Variants in LRRIQ1 observed in about 807,000 individuals in gnomAD.
The protein encoded by LRRIQ1 is leucine-rich repeat- and IQ domain-containing protein 1.
A neutral mutation model predicts 211.9 loss-of-function variants in LRRIQ1; 210 were observed. The observed-to-expected ratio is 0.99, with a 90% CI of 0.89 to 1.11. The LOEUF is 1.11. Ranked by LOEUF, LRRIQ1 falls within the 50% of genes most tolerant of loss-of-function variation. The pLI is 0.00. For synonymous variants in LRRIQ1, 699 were observed against 650.1 expected, an observed-to-expected ratio of 1.08 and a Z score of -1.14; for missense variants, 2,136 against 1,939.5, an observed-to-expected ratio of 1.10 and a Z score of -1.90.
intron 18 of LRRIQ1, 139 bp downstream of exon 18, chr12:85,128,172 G>T (rs938169364): frequency 2.7e-6 from 2 of 754,452 alleles, no homozygotes; most frequent in Non-Finnish European, 4.3e-6. Context: ...TGACATGTTG[G>T]CTGCAGGTTA....
chr12:85,037,158 T>C lies in LRRIQ1; in HGVS notation c.-25+751T>C, dbSNP rs1325377697. Among the ~76,000 whole-genome samples the C allele has an allele frequency of 2.0e-5, 3 of 146,364 alleles. No individual in the cohort carries two copies. In the Admixed American group the frequency reaches 2.1e-4, roughly 10 times the overall value. On this transcript the variant is annotated intron_variant, in intron 1 of 26. Coordinates refer to ENST00000393217, the MANE Select transcript of LRRIQ1 (RefSeq NM_001079910.2). Reference sequence around the variant, plus strand: ...ATATTGGGTTAAATAAAATATATTATAAAAATTAATTGCACTTCTCTTTTG... The same window carrying C: ...ATATTGGGTTAAATAAAATATATTACAAAAATTAATTGCACTTCTCTTTTG...
chr12:85,093,440 A>G (rs1885586583), intron 11 of LRRIQ1, among the ~76,000 whole-genome samples: 1 of 152,146 alleles, frequency 6.6e-6, no homozygotes. Flanking sequence ...CCCTTAACTC[A>G]CATCTGTTTG....
Position 85,073,074 on chromosome 12 carries a change from C to T in LRRIQ1, c.2863C>T (p.Leu955Phe). The T allele has an allele frequency of 6.2e-7, 1 of 1,605,832 alleles. No individual in the cohort carries two copies. Among genetic ancestry groups the T allele is most frequent in the Non-Finnish European group, 8.5e-7 (1 of 1,174,754 alleles). ...SLTKNSDCNF[L>F]ISHLYWNCGL... ...TACAAAAAATTCAGATTGTAATTTCCTTATCTCCCACTTATACTGGAATTG... is the reference window on the plus strand; with the variant it reads ...TACAAAAAATTCAGATTGTAATTTCTTTATCTCCCACTTATACTGGAATTG... The change falls in exon 11 of 27, where the codon CTT (leucine) becomes TTT (phenylalanine). Residue 955 changes from leucine (L) to phenylalanine (F), a missense_variant. By Grantham distance (22) the Leu-to-Phe change is conservative. Coordinates refer to ENST00000393217, the MANE Select transcript of LRRIQ1 (RefSeq NM_001079910.2).
At chr12:85,114,603 T>C (rs1052656650) in intron 15 of LRRIQ1, among the ~76,000 whole-genome samples, 27 of 152,212 alleles carry the variant, frequency 1.8e-4, no homozygotes, top group Non-Finnish European at 2.8e-4. Flanking sequence ...CACATTTTAC[T>C]GCTTTTGTTG....
chr12:85,069,753 C>G (rs549340721), intron 10 of LRRIQ1, among the ~76,000 whole-genome samples: 1 of 151,764 alleles, frequency 6.6e-6, no homozygotes, highest in Non-Finnish European at 1.5e-5. Context: ...TGACAAGTGT[C>G]TTCATATCCT....
chr12:85,248,603 G>T (rs939525712), downstream of LRRIQ1, among the ~76,000 whole-genome samples: 2 of 151,546 alleles, frequency 1.3e-5, no homozygotes, highest in African/African-American at 4.8e-5. Flanking sequence ...AGACCCTCCT[G>T]AAGTTGTTCT....
At chr12:85,265,727 T>C (rs962215783), downstream of LRRIQ1, among the ~76,000 whole-genome samples, 42 of 152,006 alleles carry the variant, frequency 2.8e-4, no homozygotes, top group African/African-American at 1.0e-3. Flanking sequence ...AAATACAGAA[T>C]TGCCCAATAA....
chr12:85,037,230 A>C (rs1399752813), intron 1 of LRRIQ1, among the ~76,000 whole-genome samples: 1 of 152,116 alleles, frequency 6.6e-6, no homozygotes, highest in South Asian at 2.1e-4. Flanking sequence ...GTAAGTGCTC[A>C]AATATGTAAT....
At chr12:85,096,804 G>C (rs545285723) in intron 11 of LRRIQ1, among the ~76,000 whole-genome samples, 1 of 152,192 alleles carries the variant, frequency 6.6e-6, no homozygotes, top group African/African-American at 2.4e-5. Flanking sequence ...TCTTTTTGTA[G>C]GTCTAGAAGT....
downstream of LRRIQ1, among the ~76,000 whole-genome samples, chr12:85,265,170 G>A (rs2137350019): frequency 6.6e-6 from 1 of 152,042 alleles, no homozygotes; most frequent in South Asian, 2.1e-4. Context: ...AAACATTTAT[G>A]ATATATTTTG....
chr12:85,263,542 C>T (rs1896355567), exon 2 of LRRIQ1: 1 of 151,200 alleles, frequency 6.6e-6, no homozygotes, highest in African/African-American at 2.4e-5. Flanking sequence ...GTGACAAAGG[C>T]CTTTATTTTT....
chr12:85,098,250 A>G (rs1318262065), intron 11 of LRRIQ1, 105 bp from the exon 12 acceptor site: 2 of 670,106 alleles, frequency 3.0e-6, no homozygotes, highest in East Asian at 2.9e-5. Context: ...AATTAATGAT[A>G]GTGAGAAATA....
At chr12:85,060,548 T>A (rs572829900) in intron 8 of LRRIQ1, among the ~76,000 whole-genome samples, 86 of 152,036 alleles carry the variant, frequency 5.7e-4, no homozygotes, top group Non-Finnish European at 1.0e-3. Context: ...GAAGTCTCAC[T>A]TCTCTTATAC....
At chr12:85,069,803 G>T (rs970886831) in intron 10 of LRRIQ1, among the ~76,000 whole-genome samples, 1 of 151,690 alleles carries the variant, frequency 6.6e-6, no homozygotes, top group Admixed American at 6.6e-5. Flanking sequence ...TTTTTCTTGT[G>T]AGTTTGTTGG....
At chr12:85,232,502 T>A (rs1421040374) in intron 25 of LRRIQ1, among the ~76,000 whole-genome samples, 194 bp from the exon 26 acceptor site, 1 of 152,202 alleles carries the variant, frequency 6.6e-6, no homozygotes, top group Non-Finnish European at 1.5e-5. Context: ...TTGAGTTTTA[T>A]CTCAAATTGA....
chr12:85,129,406 A>G (rs1372594285), intron 18 of LRRIQ1, among the ~76,000 whole-genome samples: 1 of 152,194 alleles, frequency 6.6e-6, no homozygotes, highest in Non-Finnish European at 1.5e-5. Context: ...CATTCAGCAA[A>G]TATTTCTTGC....
intron 25 of LRRIQ1, among the ~76,000 whole-genome samples, chr12:85,231,420 G>C (rs1894935330): frequency 6.6e-6 from 1 of 152,150 alleles, no homozygotes. Flanking sequence ...TCAAATTAAT[G>C]TAAGCACAAT....
At chr12:85,147,978 C>A (rs1374550619) in intron 19 of LRRIQ1, among the ~76,000 whole-genome samples, 4 of 151,636 alleles carry the variant, frequency 2.6e-5, no homozygotes, top group Non-Finnish European at 5.9e-5. Flanking sequence ...GGCTGCAAAT[C>A]CAAAACCAGA....
At chr12:85,187,536 G>A (rs1451384891) in intron 24 of LRRIQ1, among the ~76,000 whole-genome samples, 7 of 152,064 alleles carry the variant, frequency 4.6e-5, no homozygotes, top group Admixed American at 3.9e-4. Context: ...GCCGGGCGCG[G>A]TGGTTCACGC....
Sources: allele counts gnomAD v4.1 joint callset (sites outside exome capture counted in the v4.1 genomes callset), GRCh38; gene constraint gnomAD v4.1.1; transcripts MANE v1.5; gene names NCBI Gene and HGNC (gene_info 2026-07-23, HGNC 2026-07-21).